The following ADAMTS19 variants were observed in gnomAD, a reference collection of about 807,000 sequenced individuals.
ADAMTS19 encodes the protein ADAM metallopeptidase with thrombospondin type 1 motif 19, also known as A disintegrin and metalloproteinase with thrombospondin motifs 19.
ADAMTS19 carries 93 observed loss-of-function variants against 153.3 expected under a neutral mutation model. The observed-to-expected ratio is 0.61, with a 90% CI of 0.51 to 0.72. ADAMTS19 has a LOEUF of 0.72. ADAMTS19 is among the 30% of genes least tolerant of loss of function. The probability of loss-of-function intolerance (pLI) is 0.00; values close to 1 mark genes in which losing one functional copy is unlikely to be tolerated. For missense variants in ADAMTS19, 1,482 were observed against 1,552.1 expected (o/e 0.95, Z 0.76); for synonymous variants, 600 against 556.6 (o/e 1.08, Z -1.10).
At chr5:129,680,502 T>C (rs1469814074) in intron 17 of ADAMTS19, among the ~76,000 whole-genome samples, 2 of 152,090 alleles carry the variant, frequency 1.3e-5, no homozygotes, top group Non-Finnish European at 2.9e-5. Context: ...CTCACGCCTG[T>C]AATCCCAGCA....
chr5:129,665,664 T>A (rs969974972), intron 16 of ADAMTS19, 85 bp downstream of exon 16: 6 of 1,070,538 alleles, frequency 5.6e-6, no homozygotes, highest in Non-Finnish European at 8.1e-6. Context: ...AGGAAGTCAA[T>A]CTGTTTCTAG....
intron 21 of ADAMTS19, among the ~76,000 whole-genome samples, chr5:129,716,868 A>G (rs1320943110): frequency 2.0e-5 from 3 of 152,166 alleles, no homozygotes; most frequent in Non-Finnish European, 2.9e-5. Context: ...ACTACCAGAT[A>G]CTGTGGCTCA....
chr5:129,579,326 T>C (rs939502134), intron 7 of ADAMTS19, among the ~76,000 whole-genome samples: 1 of 152,216 alleles, frequency 6.6e-6, no homozygotes, highest in African/African-American at 2.4e-5. Context: ...TCTTTGTAGA[T>C]TCTGGATATT....
At chr5:129,572,231 G>T (rs1466690954) in intron 7 of ADAMTS19, among the ~76,000 whole-genome samples, 1 of 151,840 alleles carries the variant, frequency 6.6e-6, no homozygotes, top group Non-Finnish European at 1.5e-5. Context: ...TTTGCAAGTT[G>T]CATATCCAGA....
intron 7 of ADAMTS19, among the ~76,000 whole-genome samples, chr5:129,589,309 CTTTT>C (rs781410701): frequency 6.6e-6 from 1 of 151,408 alleles, no homozygotes; most frequent in African/African-American, 2.4e-5. Flanking sequence ...TTTTGTAGCA[CTTTT>C]TTTACTAGTT....
chr5:129,717,441 A>G (rs921042163), intron 21 of ADAMTS19, among the ~76,000 whole-genome samples: 1 of 152,334 alleles, frequency 6.6e-6, no homozygotes, highest in East Asian at 1.9e-4. Flanking sequence ...ATTTTCCATG[A>G]AAGTTAATCA....
intron 21 of ADAMTS19, among the ~76,000 whole-genome samples, chr5:129,705,069 G>T (rs563528665): frequency 4.6e-5 from 7 of 151,998 alleles, no homozygotes; most frequent in Non-Finnish European, 4.4e-5. Flanking sequence ...ATCATTTTGG[G>T]GTGAAAATAG....
intron 7 of ADAMTS19, among the ~76,000 whole-genome samples, chr5:129,561,139 T>C (rs527822905): frequency 6.6e-6 from 1 of 152,290 alleles, no homozygotes; most frequent in South Asian, 2.1e-4. Flanking sequence ...AGCTATATTA[T>C]CTAGAACAAT....
chr5:129,625,875 T>C (rs1451071952), intron 10 of ADAMTS19, among the ~76,000 whole-genome samples: 1 of 152,180 alleles, frequency 6.6e-6, no homozygotes, highest in Non-Finnish European at 1.5e-5. Context: ...ATTTTGGCTT[T>C]TGTTGCCATT....
intron 11 of ADAMTS19, among the ~76,000 whole-genome samples, chr5:129,644,378 C>T (rs940898222): frequency 1.3e-5 from 2 of 152,186 alleles, no homozygotes; most frequent in Non-Finnish European, 2.9e-5. Flanking sequence ...TCACACCAAA[C>T]ACTGCAAGCT....
intron 7 of ADAMTS19, among the ~76,000 whole-genome samples, chr5:129,586,719 C>G (rs62399013): frequency 0.061 from 9,272 of 152,146 alleles, 416 homozygotes; most frequent in Non-Finnish European, 0.088. Flanking sequence ...GTTTTATAAG[C>G]AATTGCCAAA....
chr5:129,653,501 C>T (rs1753406708), intron 13 of ADAMTS19, among the ~76,000 whole-genome samples: 1 of 152,242 alleles, frequency 6.6e-6, no homozygotes, highest in Non-Finnish European at 1.5e-5. Context: ...AAAGAAGACT[C>T]GCAGCTGCTT....
intron 8 of ADAMTS19, among the ~76,000 whole-genome samples, chr5:129,611,263 C>A (rs1751201484): frequency 6.6e-6 from 1 of 152,152 alleles, no homozygotes; most frequent in African/African-American, 2.4e-5. Context: ...ATGGTAGTTT[C>A]TTTTGCTGTG....
At chr5:129,466,153 A>G (rs1749849011) in intron 2 of ADAMTS19, among the ~76,000 whole-genome samples, 1 of 152,164 alleles carries the variant, frequency 6.6e-6, no homozygotes, top group South Asian at 2.1e-4. Flanking sequence ...TGTGGGTGAC[A>G]CCCAGGAAAT....
chr5:129,698,841 T>G (rs1755690218), intron 19 of ADAMTS19, among the ~76,000 whole-genome samples: 1 of 152,220 alleles, frequency 6.6e-6, no homozygotes, highest in Non-Finnish European at 1.5e-5. Flanking sequence ...TTGGAAGATG[T>G]GCACTTTAGG....
At chr5:129,735,465 A>C in intron 22 of ADAMTS19, among the ~76,000 whole-genome samples, 1 of 151,928 alleles carries the variant, frequency 6.6e-6, no homozygotes, top group East Asian at 1.9e-4. Flanking sequence ...TGTAAGCCTT[A>C]GATTTCTCCA....
At position 129,645,277 on chromosome 5, in the gene ADAMTS19, C is replaced by T. The variant is rs146678595; in HGVS notation, c.1873-2488C>T. 2.8e-3 allele frequency among the ~76,000 whole-genome samples: 421 copies of T among 152,230 alleles called. 1 individual carries two copies. The highest frequency in any genetic ancestry group is 0.01 in the East Asian group (54 of 5,188). ...TAAAAAATGCAAACGTTGTATGAAA[C>T]AAATCATGCTGCTCTCCATAATATC... On this transcript the variant is annotated intron_variant, in intron 11 of 22. Transcript: ENST00000274487.
intron 16 of ADAMTS19, among the ~76,000 whole-genome samples, chr5:129,668,162 C>T (rs1336539840): frequency 6.6e-6 from 1 of 152,146 alleles, no homozygotes; most frequent in Admixed American, 6.6e-5. Flanking sequence ...CATTGTCTAC[C>T]TGCATGGTCT....
intron 3 of ADAMTS19, among the ~76,000 whole-genome samples, chr5:129,510,066 T>C (rs1053688906): frequency 3.3e-5 from 5 of 152,040 alleles, no homozygotes; most frequent in Admixed American, 3.3e-4. Flanking sequence ...CTAAGAAATA[T>C]TTCCAGTTAG....
Sources: gnomAD v4.1 joint callset for allele counts (sites outside exome capture counted in the v4.1 genomes callset) on GRCh38, gnomAD v4.1.1 for gene constraint, MANE v1.5 for transcripts, NCBI Gene and HGNC (gene_info 2026-07-23, HGNC 2026-07-21) for gene names.